The following IL3RA variants were observed in gnomAD, a reference collection of about 807,000 sequenced individuals.
IL3RA encodes interleukin 3 receptor subunit alpha.
IL3RA carries 73 observed loss-of-function variants against 52.3 expected under a neutral mutation model. The observed-to-expected ratio is 1.40, with a 90% CI of 1.16 to 1.70. IL3RA has a LOEUF of 1.70. IL3RA is among the 40% of genes most tolerant of loss of function. The pLI is 0.00. For synonymous variants in IL3RA, 260 were observed against 194.0 expected (o/e 1.34, Z -2.83); for missense variants, 664 against 504.4 (o/e 1.32, Z -3.03).
chrX:1,365,256 AGTGGGCT>A lies in IL3RA; in HGVS notation c.874+8_874+14del, dbSNP rs753357785. 6.6e-7 allele frequency: 1 copy of A among 1,509,988 alleles called. No homozygotes were observed. Among genetic ancestry groups the A allele is most frequent in the African/African-American group, 1.4e-5 (1 of 69,842 alleles). 93.5% of individuals were successfully genotyped at this position (1,509,988 alleles called of 1,614,324 possible). On this transcript the variant is annotated splice_donor_5th_base_variant and intron_variant, in intron 9 of 11. Coordinates refer to ENST00000331035, the MANE Select transcript of IL3RA (RefSeq NM_002183.4). The stretch of plus-strand genomic sequence containing the variant: ...TGGAGCACCCCCCAGCGCTTCGGTG[AGTGGGCT>A]GTGCGGGGTGCGCGGGGTGAGCGGG...
rs35294981 is a variant in IL3RA, at chrX:1,382,670, A to ATTTTT, written c.*214_*218dup. 3 of 531,430 alleles carry ATTTTT rather than the reference A, an allele frequency of 5.6e-6. No homozygotes were observed. The allele number at this position is 531,430 out of a possible 1,614,324, so 32.9% of individuals were successfully genotyped here. On this transcript the variant is annotated 3_prime_UTR_variant, in exon 12 of 12. Coordinates refer to ENST00000331035, the MANE Select transcript of IL3RA (RefSeq NM_002183.4). ...TGTGTGTTTATTTCATGATAAAGTG[A>ATTTTT]TTTTTTTTTTTTTAACCCACTCACT...
chrX:1,370,883 G>C (rs1456249067), intron 9 of IL3RA, among the ~76,000 whole-genome samples: 1 of 44,458 alleles, frequency 2.2e-5, no homozygotes, highest in African/African-American at 1.4e-4. Context: ...CTGGATCTCA[G>C]ACCTCCAGCC....
Position 1,348,454 on chromosome X carries a change from G to C in IL3RA, c.207G>C (p.Gln69His), listed in dbSNP as rs141173715. The C allele has an allele frequency of 5.2e-4, 839 of 1,613,842 alleles. 3 individuals are homozygous for C. The highest frequency in any genetic ancestry group is 2.6e-3 in the Middle Eastern group (16 of 6,056). ...SMPAVNNSYC[Q>H]FGAISLCEVT... ...AGGCAGTGAACAATAGCTATTGCCAGTTTGGAGCAATTTCCTTATGTGAAG... is the reference window on the plus strand; with the variant it reads ...AGGCAGTGAACAATAGCTATTGCCACTTTGGAGCAATTTCCTTATGTGAAG... The change falls in exon 4 of 12, where the codon CAG (glutamine) becomes CAC (histidine). Residue 69 changes from glutamine (Q) to histidine (H), a missense_variant. Coordinates refer to ENST00000331035, the MANE Select transcript of IL3RA (RefSeq NM_002183.4).
rs192749613 is a variant in IL3RA, at chrX:1,380,274, C to T, written c.981-749C>T. 3.0e-4 allele frequency among the ~76,000 whole-genome samples: 45 copies of T among 149,832 alleles called. 1 individual carries two copies. In the East Asian group the frequency reaches 4.2e-3, roughly 14 times the overall value. On this transcript the variant is annotated intron_variant, in intron 10 of 11. Coordinates refer to ENST00000331035, the MANE Select transcript of IL3RA (RefSeq NM_002183.4). The stretch of plus-strand genomic sequence containing the variant: ...AACTCCTGACCTCAGTTGATCTGCC[C>T]GCCTGGGCCTCCCAAAGTGCTGGCA...
chrX:1,341,952 C>A, intron 2 of IL3RA, 123 bp downstream of exon 2: 7 of 1,017,848 alleles, frequency 6.9e-6, no homozygotes, highest in Admixed American at 1.8e-5. Flanking sequence ...GAGTCTCATG[C>A]AGTGGTCGGG....
At chrX:1,355,361 G>A (rs2149016711) in intron 6 of IL3RA, among the ~76,000 whole-genome samples, 1 of 135,850 alleles carries the variant, frequency 7.4e-6, no homozygotes, top group South Asian at 2.6e-4. Flanking sequence ...CAAGGAGAAT[G>A]GGGAGGAGAG....
intron 3 of IL3RA, among the ~76,000 whole-genome samples, 192 bp from the exon 4 acceptor site, chrX:1,348,239 G>C (rs749389117): frequency 1.9e-4 from 28 of 150,718 alleles, no homozygotes; most frequent in Admixed American, 1.0e-3. Context: ...TGTAATCCCA[G>C]GTGCTCGGGA....
chrX:1,357,826 G>A, intron 7 of IL3RA, among the ~76,000 whole-genome samples: 1 of 149,404 alleles, frequency 6.7e-6, no homozygotes, highest in South Asian at 2.1e-4. Context: ...TAAATGGCTG[G>A]GTGCAGTAGC....
intron 9 of IL3RA, 98 bp downstream of exon 9, chrX:1,365,350 G>A: frequency 8.2e-6 from 4 of 490,716 alleles, no homozygotes; most frequent in South Asian, 7.1e-5. Context: ...GGGGTGAGCG[G>A]GGTGAGCGGG....
At chrX:1,358,736 C>G in intron 7 of IL3RA, 125 bp from the exon 8 acceptor site, 1 of 908,144 alleles carries the variant, frequency 1.1e-6, no homozygotes, top group Non-Finnish European at 1.8e-6. Context: ...CACTGCTGCC[C>G]GAAGGCCTTC....
rs752268725 is a variant in IL3RA at position 1,344,389 on chromosome X, G to A, written c.65-927G>A. On this transcript the variant is annotated intron_variant, in intron 2 of 11. Coordinates refer to ENST00000331035, the MANE Select transcript of IL3RA (RefSeq NM_002183.4). ...GCGGAGGTTGTAGTGAGCCGAGATC[G>A]CGCCACTGAATTCCAGCCTGGGCGA... Among the ~76,000 whole-genome samples the A allele has an allele frequency of 7.3e-4, 111 of 152,032 alleles. 1 individual carries two copies. Among genetic ancestry groups the A allele is most frequent in the Non-Finnish European group, 1.3e-4 (9 of 67,986 alleles).
At chrX:1,362,190 CTG>C (rs1455902785) in intron 8 of IL3RA, among the ~76,000 whole-genome samples, 1 of 148,266 alleles carries the variant, frequency 6.7e-6, no homozygotes. Context: ...CTATGTCTTT[CTG>C]TCTCTCCGTT....
intron 7 of IL3RA, among the ~76,000 whole-genome samples, chrX:1,357,483 C>T (rs2086826304): frequency 6.6e-6 from 1 of 151,778 alleles, no homozygotes; most frequent in African/African-American, 2.4e-5. Flanking sequence ...CTTCAGCCTC[C>T]TGAGTAGCTG....
At chrX:1,343,258 A>C (rs1298721892) in intron 2 of IL3RA, among the ~76,000 whole-genome samples, 1 of 152,082 alleles carries the variant, frequency 6.6e-6, no homozygotes, top group Non-Finnish European at 1.5e-5. Context: ...AGATCCTTAC[A>C]GTTTATAAAG....
intron 9 of IL3RA, among the ~76,000 whole-genome samples, chrX:1,366,524 C>G (rs780313817): frequency 4.0e-5 from 2 of 50,582 alleles, no homozygotes; most frequent in Admixed American, 2.2e-4. Context: ...CGGGGTGAGC[C>G]CGGTGAGCCG....
intron 8 of IL3RA, among the ~76,000 whole-genome samples, chrX:1,361,902 C>T (rs1412920106): frequency 6.6e-6 from 1 of 151,964 alleles, no homozygotes; most frequent in Non-Finnish European, 1.5e-5. Flanking sequence ...CAGTCCCTCT[C>T]ACAACACGTG....
At position 1,353,435 on chromosome X, in the gene IL3RA, A is replaced by T. The variant is rs190511891; in HGVS notation, c.616+929A>T. Among the ~76,000 whole-genome samples the T allele has an allele frequency of 7.8e-5, 11 of 140,490 alleles. No individual in the cohort carries two copies. In the East Asian group the frequency reaches 2.4e-3, roughly 31 times the overall value. 92.2% of individuals were successfully genotyped at this position (140,490 alleles called of 152,430 possible). ...TCCATCATGGGTCATGGGAACCTCC[A>T]TCATGGGTCCCATTATGGGTCATAG... On this transcript the variant is annotated intron_variant, in intron 6 of 11. Transcript: ENST00000331035.
At chrX:1,368,301 C>A (rs1240642426) in intron 9 of IL3RA, among the ~76,000 whole-genome samples, 1 of 152,036 alleles carries the variant, frequency 6.6e-6, no homozygotes, top group Non-Finnish European at 1.5e-5. Context: ...AGTAGAACTT[C>A]TGGCCGGGCA....
At chrX:1,355,421 G>T (rs753257083) in intron 6 of IL3RA, among the ~76,000 whole-genome samples, 1 of 120,056 alleles carries the variant, frequency 8.3e-6, no homozygotes, top group South Asian at 3.0e-4. Context: ...GGAGGGGGAG[G>T]AGGGGAGGGG....
Sources: gnomAD v4.1 joint callset for allele counts (sites outside exome capture counted in the v4.1 genomes callset) on GRCh38, gnomAD v4.1.1 for gene constraint, MANE v1.5 for transcripts, NCBI Gene and HGNC (gene_info 2026-07-23, HGNC 2026-07-21) for gene names.